The following ASB4 variants were observed in gnomAD, a reference collection of about 807,000 sequenced individuals.
ASB4 encodes ankyrin repeat and SOCS box protein 4.
ASB4 carries 35 observed loss-of-function variants against 38.6 expected under a neutral mutation model. The ratio of observed to expected loss-of-function variants is 0.91; its 90% CI spans 0.69 to 1.20. ASB4 has a LOEUF of 1.20. Among genes scored for constraint, ASB4 ranks in the 50% most tolerant of loss-of-function variants. The pLI, the probability that ASB4 is intolerant of heterozygous loss-of-function variation, is 0.00. For missense variants in ASB4, 557 were observed against 527.2 expected (o/e 1.06, Z -0.55); for synonymous variants, 195 against 201.3 (o/e 0.97, Z 0.26).
chr7:95,499,586 G>C (rs150404784), intron 2 of ASB4, among the ~76,000 whole-genome samples: 237 of 152,236 alleles, frequency 1.6e-3, no homozygotes, highest in African/African-American at 5.5e-3. Context: ...ATGGTATAAA[G>C]TGCAAATGGG....
At chr7:95,528,707 G>A in intron 3 of ASB4, 1 of 1,062,490 alleles carries the variant, frequency 9.4e-7, no homozygotes, top group Non-Finnish European at 1.1e-6. Context: ...GCCATGAAAG[G>A]GCCACCCGAT....
chr7:95,547,487 T>G, the ASB4 span, among the ~76,000 whole-genome samples: 2 of 152,246 alleles, frequency 1.3e-5, no homozygotes, highest in Non-Finnish European at 2.9e-5. Flanking sequence ...ACTTCTTTAT[T>G]GCTTAATCGT....
intron 2 of ASB4, among the ~76,000 whole-genome samples, chr7:95,511,921 A>G (rs1431948282): frequency 1.3e-5 from 2 of 152,126 alleles, no homozygotes; most frequent in Non-Finnish European, 2.9e-5. Flanking sequence ...CCTGCCGCTA[A>G]TGTAAATTAG....
upstream of ASB4, among the ~76,000 whole-genome samples, chr7:95,481,474 A>T (rs1233421003): frequency 6.6e-6 from 1 of 152,220 alleles, no homozygotes; most frequent in Non-Finnish European, 1.5e-5. Context: ...CTGTAATAGC[A>T]AGGACATCTA....
Position 95,487,794 on chromosome 7 carries a change from G to A in ASB4, c.187+1636G>A, listed in dbSNP as rs181092607. Among the ~76,000 whole-genome samples the A allele has an allele frequency of 1.6e-4, 24 of 152,290 alleles. No homozygotes were observed. In the East Asian group the frequency reaches 4.4e-3, roughly 28 times the overall value. ...CTGTGGGATGTGGCTTTCAATTAGG[G>A]AGATAGCAAATTACACCCTCTGGAA... is the stretch of plus-strand genomic sequence containing the variant. On this transcript the variant is annotated intron_variant, in intron 1 of 4. Coordinates refer to ENST00000325885, the MANE Select transcript of ASB4 (RefSeq NM_016116.3).
chr7:95,535,958 G>C (rs1790883762), intron 3 of ASB4, among the ~76,000 whole-genome samples: 1 of 152,198 alleles, frequency 6.6e-6, no homozygotes, highest in Non-Finnish European at 1.5e-5. Flanking sequence ...AGCTGGAAGA[G>C]TTTCCCAGGC....
At chr7:95,519,242 C>T (rs1466977064) in intron 2 of ASB4, among the ~76,000 whole-genome samples, 1 of 152,096 alleles carries the variant, frequency 6.6e-6, no homozygotes, top group Non-Finnish European at 1.5e-5. Flanking sequence ...ATGACATACT[C>T]GACACTGTAC....
Position 95,486,122 on chromosome 7 carries a change from G to A in ASB4, c.151G>A (p.Glu51Lys), listed in dbSNP as rs745483587. The A allele has an allele frequency of 1.3e-5, 21 of 1,613,926 alleles. No homozygotes were observed. The highest frequency in any genetic ancestry group is 6.7e-5 in the East Asian group (3 of 44,896). ...QIDVDTVFEV[E>K]DENMVLASYK... is the part of the protein sequence containing the mutation. Reference sequence around the variant, plus strand: ...AGATGTGGACACTGTTTTTGAAGTCGAAGATGAGAATATGGTTTTGGCATC... The same window carrying A: ...AGATGTGGACACTGTTTTTGAAGTCAAAGATGAGAATATGGTTTTGGCATC... Residue 51 changes from glutamate to lysine, a missense_variant, in exon 1 of 5, where the codon GAA (glutamate) becomes AAA (lysine). Transcript: ENST00000325885.
upstream of ASB4, among the ~76,000 whole-genome samples, chr7:95,476,269 G>A (rs1004583178): frequency 2.0e-5 from 3 of 152,212 alleles, no homozygotes; most frequent in African/African-American, 7.2e-5. Context: ...GCAGCGGCAA[G>A]GCTTCCAGCC....
intron 3 of ASB4, among the ~76,000 whole-genome samples, chr7:95,529,684 A>G (rs934649400): frequency 2.6e-5 from 4 of 152,218 alleles, no homozygotes; most frequent in Admixed American, 2.6e-4. Context: ...ATTTTCCAAA[A>G]GTTTTTTAGG....
At chr7:95,519,685 A>G (rs548281597) in intron 2 of ASB4, among the ~76,000 whole-genome samples, 1 of 152,300 alleles carries the variant, frequency 6.6e-6, no homozygotes, top group African/African-American at 2.4e-5. Context: ...CGAATAAACC[A>G]TGATAATATT....
At chr7:95,475,042 A>G (rs1789963281), upstream of ASB4, among the ~76,000 whole-genome samples, 1 of 152,180 alleles carries the variant, frequency 6.6e-6, no homozygotes, top group Non-Finnish European at 1.5e-5. Context: ...TAGAGCCTAT[A>G]GACAAGCTGT....
At chr7:95,511,922 T>A (rs1012548591) in intron 2 of ASB4, among the ~76,000 whole-genome samples, 3 of 152,212 alleles carry the variant, frequency 2.0e-5, no homozygotes, top group African/African-American at 7.2e-5. Context: ...CTGCCGCTAA[T>A]GTAAATTAGT....
chr7:95,519,907 G>C (rs999539591), intron 2 of ASB4, among the ~76,000 whole-genome samples: 1 of 151,656 alleles, frequency 6.6e-6, no homozygotes, highest in Non-Finnish European at 1.5e-5. Context: ...AAGCAAAAAT[G>C]GTTTTATAGT....
chr7:95,487,125 T>G (rs1384376794), intron 1 of ASB4, among the ~76,000 whole-genome samples: 1 of 152,200 alleles, frequency 6.6e-6, no homozygotes, highest in Non-Finnish European at 1.5e-5. Context: ...CAGATACAAA[T>G]GCTAATGGTA....
At chr7:95,496,316 A>C (rs775104111) in intron 2 of ASB4, 2 of 374,622 alleles carry the variant, frequency 5.3e-6, no homozygotes, top group Non-Finnish European at 9.7e-6. Context: ...CCTATTATGC[A>C]TCAGGTAATG....
At chr7:95,494,587 G>A (rs1321065330) in intron 1 of ASB4, among the ~76,000 whole-genome samples, 1 of 152,034 alleles carries the variant, frequency 6.6e-6, no homozygotes. Context: ...TAACTTCTAC[G>A]CTGTGACTGT....
chr7:95,523,128 A>G (rs1790686074), intron 2 of ASB4, among the ~76,000 whole-genome samples: 1 of 152,202 alleles, frequency 6.6e-6, no homozygotes, highest in African/African-American at 2.4e-5. Flanking sequence ...CCAAAATAAA[A>G]TCCAGACGAA....
chr7:95,515,336 T>TTCCTTCCTTCCTTC (rs1188226158), intron 2 of ASB4, among the ~76,000 whole-genome samples: 1 of 92,396 alleles, frequency 1.1e-5, no homozygotes, highest in Non-Finnish European at 2.4e-5. Flanking sequence ...TTCCTTCCTT[T>TTCCTTCCTTCCTTC]CTTTCTTTCT....
Sources: allele counts gnomAD v4.1 joint callset (sites outside exome capture counted in the v4.1 genomes callset), GRCh38; gene constraint gnomAD v4.1.1; transcripts MANE v1.5; gene names NCBI Gene and HGNC (gene_info 2026-07-23, HGNC 2026-07-21).